COL13A1: variants seen among roughly 807,000 people sequenced by gnomAD.
COL13A1 encodes collagen alpha-1(XIII) chain.
Under a neutral mutation model 130.9 loss-of-function variants are expected in COL13A1, and 89 were observed. That is an observed-to-expected ratio of 0.68 (90% confidence interval 0.57 to 0.81). The LOEUF (loss-of-function observed/expected upper bound fraction) is 0.81. Among genes scored for constraint, COL13A1 ranks in the 30% least tolerant of loss-of-function variants. The pLI, the probability that COL13A1 is intolerant of heterozygous loss-of-function variation, is 0.00. For missense variants in COL13A1, 879 were observed against 934.6 expected (o/e 0.94, Z 0.78); for synonymous variants, 402 against 341.6 (o/e 1.18, Z -1.95).
rs1466529801 is a variant in COL13A1, at chr10:69,880,550, C to G, written c.510C>G (p.Pro170=). 1.2e-6 allele frequency: 2 copies of G among 1,613,388 alleles called. No homozygotes were observed. The highest frequency in any genetic ancestry group is 2.2e-5 in the South Asian group (2 of 91,046). ...TGTCCATCATTGGTCCCCGCGGCCC[C>G]CCTGTAAGTTGTTTTTGCTCTTCCT... ...AGLSIIGPRG[P]PGQPGTRGFP... Residue 170 remains proline, a synonymous_variant, in exon 7 of 41, where the codon CCC becomes CCG. Coordinates refer to ENST00000645393, the MANE Select transcript of COL13A1 (RefSeq NM_001368882.1).
chr10:69,849,927 C>T (rs906884111), intron 2 of COL13A1, among the ~76,000 whole-genome samples: 23 of 152,186 alleles, frequency 1.5e-4, no homozygotes, highest in African/African-American at 4.3e-4. Flanking sequence ...GAGAGTAGGA[C>T]GAGTTGGTCA....
chr10:69,914,641 C>T (rs1295201841), intron 17 of COL13A1, among the ~76,000 whole-genome samples: 1 of 152,134 alleles, frequency 6.6e-6, no homozygotes, highest in Admixed American at 6.5e-5. Context: ...CCAAGCTGAC[C>T]TCCCACCTGC....
intron 35 of COL13A1, among the ~76,000 whole-genome samples, chr10:69,942,940 G>A (rs529400194): frequency 7.2e-5 from 11 of 152,240 alleles, no homozygotes; most frequent in Admixed American, 5.2e-4. Flanking sequence ...CTCCACCTCC[G>A]GGTTTCAAGC....
At chr10:69,899,652 T>G (rs1354077056) in intron 14 of COL13A1, among the ~76,000 whole-genome samples, 1 of 152,210 alleles carries the variant, frequency 6.6e-6, no homozygotes, top group Non-Finnish European at 1.5e-5. Flanking sequence ...TCCTTCTTCT[T>G]CCTGCCTTCC....
chr10:69,834,185 C>A (rs957749886), intron 2 of COL13A1, among the ~76,000 whole-genome samples: 2 of 152,212 alleles, frequency 1.3e-5, no homozygotes, highest in African/African-American at 4.8e-5. Context: ...AAGGAACCTG[C>A]AACCTAGATC....
intron 17 of COL13A1, among the ~76,000 whole-genome samples, chr10:69,914,105 G>C (rs1379397840): frequency 6.6e-6 from 1 of 152,140 alleles, no homozygotes; most frequent in Admixed American, 6.5e-5. Context: ...TCACGCTCCG[G>C]GGTTTTGCTC....
intron 38 of COL13A1, among the ~76,000 whole-genome samples, chr10:69,949,967 T>TGTGTGTGTGTGCATGTGTTTGTGTGTGC (rs2069200640): frequency 1.6e-5 from 2 of 122,076 alleles, no homozygotes; most frequent in Non-Finnish European, 3.3e-5. Flanking sequence ...TGTGTGTGCG[T>TGTGTGTGTGTGCATGTGTTTGTGTGTGC]GTGTGTGTGT....
intron 2 of COL13A1, among the ~76,000 whole-genome samples, chr10:69,833,102 T>A (rs1849205786): frequency 6.6e-6 from 1 of 152,134 alleles, no homozygotes; most frequent in Non-Finnish European, 1.5e-5. Context: ...GGAAGAGTCC[T>A]GAGGAAGAAA....
chr10:69,846,334 G>A (rs1056286796), intron 2 of COL13A1, among the ~76,000 whole-genome samples: 8 of 151,908 alleles, frequency 5.3e-5, no homozygotes, highest in African/African-American at 1.9e-4. Context: ...CTGCCTCCAG[G>A]ATCACTTTTC....
chr10:69,856,565 G>C (rs1348782710), intron 2 of COL13A1, among the ~76,000 whole-genome samples: 1 of 152,234 alleles, frequency 6.6e-6, no homozygotes, highest in Non-Finnish European at 1.5e-5. Flanking sequence ...TCCACACATA[G>C]AAATGAGAAT....
At chr10:69,904,893 CTTTTCTT>C (rs2062576837) in intron 15 of COL13A1, 33 bp from the exon 16 acceptor site, 5 of 1,535,666 alleles carry the variant, frequency 3.3e-6, no homozygotes, top group African/African-American at 1.4e-5. Context: ...CTCTACTCAC[CTTTTCTT>C]TTTTCTTTTT....
chr10:69,887,715 G>T (rs1434689391), intron 8 of COL13A1, among the ~76,000 whole-genome samples: 2 of 152,156 alleles, frequency 1.3e-5, no homozygotes, highest in Non-Finnish European at 2.9e-5. Context: ...ACAAATTAAG[G>T]GGCAGCAGGA....
intron 2 of COL13A1, among the ~76,000 whole-genome samples, chr10:69,823,921 G>A (rs781302477): frequency 1.4e-4 from 21 of 152,170 alleles, no homozygotes; most frequent in Non-Finnish European, 1.9e-4. Context: ...CAGAGAGACC[G>A]TTCGCATCAG....
chr10:69,835,375 G>A (rs1210528863), intron 2 of COL13A1, among the ~76,000 whole-genome samples: 1 of 152,022 alleles, frequency 6.6e-6, no homozygotes. Flanking sequence ...TGCAGTCCCT[G>A]GCTCTTCCTC....
intron 17 of COL13A1, among the ~76,000 whole-genome samples, chr10:69,914,622 C>T (rs1299532992): frequency 6.6e-6 from 1 of 152,172 alleles, no homozygotes; most frequent in Non-Finnish European, 1.5e-5. Context: ...TCTGAATAGT[C>T]AAGGACTCCC....
intron 2 of COL13A1, among the ~76,000 whole-genome samples, chr10:69,861,630 T>C (rs185129673): frequency 6.6e-6 from 1 of 152,280 alleles, no homozygotes; most frequent in African/African-American, 2.4e-5. Flanking sequence ...CTTCGTCTAC[T>C]TGCTTCCCCT....
intron 17 of COL13A1, among the ~76,000 whole-genome samples, chr10:69,913,738 G>C (rs1303070935): frequency 6.6e-6 from 1 of 152,142 alleles, no homozygotes; most frequent in Non-Finnish European, 1.5e-5. Context: ...CAGTTCAGAG[G>C]TCAGGCAGGG....
chr10:69,935,331 G>A lies in COL13A1; in HGVS notation c.1729-19G>A. On this transcript the variant is annotated intron_variant, in intron 31 of 40. Transcript: ENST00000645393. The stretch of plus-strand genomic sequence containing the variant: ...GGAGGGCCACTTCAAATGTAACAGG[G>A]CTCCCCTTTGGCTTTTAGGTTCCTG... 6.4e-7 allele frequency: 1 copy of A among 1,573,320 alleles called. No homozygotes were observed. Among genetic ancestry groups the A allele is most frequent in the Non-Finnish European group, 8.6e-7 (1 of 1,157,930 alleles).
At chr10:69,949,577 G>C (rs1021168388) in intron 38 of COL13A1, among the ~76,000 whole-genome samples, 1 of 152,172 alleles carries the variant, frequency 6.6e-6, no homozygotes, top group African/African-American at 2.4e-5. Flanking sequence ...CCTCTTTCCT[G>C]TTCATGGAAG....
Sources: gnomAD v4.1 joint callset for allele counts (sites outside exome capture counted in the v4.1 genomes callset) on GRCh38, gnomAD v4.1.1 for gene constraint, MANE v1.5 for transcripts, NCBI Gene and HGNC (gene_info 2026-07-23, HGNC 2026-07-21) for gene names.